STRBP: variants seen among roughly 807,000 people sequenced by gnomAD.
STRBP encodes spermatid perinuclear RNA binding protein.
STRBP carries 13 observed loss-of-function variants against 80.1 expected under a neutral mutation model. The observed-to-expected ratio is 0.16, with a 90% confidence interval of 0.11 to 0.26. STRBP has a LOEUF of 0.26. Ranked by LOEUF, STRBP falls within the 10% of genes least tolerant of loss-of-function variation. The probability of loss-of-function intolerance (pLI) is 1.00; values close to 1 mark genes in which losing one functional copy is unlikely to be tolerated. For synonymous variants in STRBP, 284 were observed against 291.2 expected (o/e 0.98, Z 0.25); for missense variants, 485 against 815.2 (o/e 0.59, Z 4.93).
chr9:123,217,174 G>A (rs1324971144), intron 2 of STRBP, among the ~76,000 whole-genome samples: 2 of 152,128 alleles, frequency 1.3e-5, no homozygotes, highest in Admixed American at 1.3e-4. Flanking sequence ...AATCAAAGCT[G>A]CCATAATGAA....
chr9:123,136,125 C>T lies in STRBP; in HGVS notation c.1689G>A (p.Lys563=). 6.2e-7 allele frequency: 1 copy of T among 1,614,226 alleles called. No homozygotes were observed. The highest frequency in any genetic ancestry group is 8.5e-7 in the Non-Finnish European group (1 of 1,180,034). ...RGAGPNKKVA[K]ASAALAALEK... Reference sequence around the variant, plus strand: ...CCAAGGCAGCTAAAGCTGCACTCGCCTTTGCCACTTTCTTATTTGGACCTG... The same window carrying T: ...CCAAGGCAGCTAAAGCTGCACTCGCTTTTGCCACTTTCTTATTTGGACCTG... The change falls in exon 16 of 19, where the codon AAG becomes AAA. Residue 563 remains lysine, a synonymous_variant. Transcript: ENST00000348403. This position sits in a 1 kb window ranked among gnomAD's most constrained non-coding sequence, Gnocchi z 4.2.
intron 3 of STRBP, among the ~76,000 whole-genome samples, chr9:123,183,033 A>AACC (rs1554757096): frequency 7.9e-5 from 11 of 139,838 alleles, no homozygotes; most frequent in South Asian, 2.2e-4. Flanking sequence ...AAAAAAAAAA[A>AACC]AAAAACAAAA....
chr9:123,201,246 T>C (rs1449168516), intron 2 of STRBP, among the ~76,000 whole-genome samples: 1 of 152,186 alleles, frequency 6.6e-6, no homozygotes, highest in East Asian at 1.9e-4. Context: ...CTGATCTTTG[T>C]TACTTCTTCT....
At chr9:123,182,541 A>C (rs947510448) in intron 3 of STRBP, among the ~76,000 whole-genome samples, 13 of 152,226 alleles carry the variant, frequency 8.5e-5, no homozygotes, top group Non-Finnish European at 1.6e-4. Context: ...GATATAAAAG[A>C]ATCAGTGTGG....
intron 1 of STRBP, among the ~76,000 whole-genome samples, chr9:123,238,829 A>G (rs1401307790): frequency 6.6e-6 from 1 of 152,222 alleles, no homozygotes; most frequent in African/African-American, 2.4e-5. Context: ...ACTTAAGTAT[A>G]TAATAAAAAC....
chr9:123,237,838 G>C (rs554536376), intron 1 of STRBP, among the ~76,000 whole-genome samples: 1 of 152,254 alleles, frequency 6.6e-6, no homozygotes, highest in South Asian at 2.1e-4. Flanking sequence ...TTCACACAAG[G>C]TAACACATAA....
chr9:123,130,264 G>A (rs559247855), intron 17 of STRBP, among the ~76,000 whole-genome samples: 1 of 152,246 alleles, frequency 6.6e-6, no homozygotes, highest in East Asian at 1.9e-4. Flanking sequence ...AACAGTCCCT[G>A]CTGCACAGAA....
chr9:123,139,920 G>T (rs1564227414), intron 13 of STRBP, among the ~76,000 whole-genome samples: 1 of 152,206 alleles, frequency 6.6e-6, no homozygotes, highest in African/African-American at 2.4e-5. Flanking sequence ...TTAAATACAG[G>T]ATGACAAATA....
Position 123,136,365 on chromosome 9 carries a change from G to C in STRBP, c.1632+16C>G. On this transcript the variant is annotated intron_variant, in intron 15 of 18. Coordinates refer to ENST00000348403, the MANE Select transcript of STRBP (RefSeq NM_018387.5). This position sits in a 1 kb window ranked among gnomAD's most constrained non-coding sequence, Gnocchi z 4.2. The stretch of plus-strand genomic sequence containing the variant: ...TTGAGAAGAAAGATAAGGCTGGCTT[G>C]TGTCTGGGTACACACCTCCATTACA... 1.9e-6 allele frequency: 3 copies of C among 1,613,254 alleles called. No homozygotes were observed. The South Asian group carries it at 3.3e-5, about 18-fold the overall frequency.
chr9:123,229,866 G>C (rs1332583124), intron 2 of STRBP, among the ~76,000 whole-genome samples: 1 of 152,156 alleles, frequency 6.6e-6, no homozygotes, highest in African/African-American at 2.4e-5. Context: ...GGAGCATTAA[G>C]GACCCATTTG....
At chr9:123,239,591 T>C (rs1367644245) in intron 1 of STRBP, among the ~76,000 whole-genome samples, 1 of 152,162 alleles carries the variant, frequency 6.6e-6, no homozygotes, top group Non-Finnish European at 1.5e-5. Flanking sequence ...TATGACTTAT[T>C]ACTGAAAGCA....
At chr9:123,120,020 C>A (rs2035704530), downstream of STRBP, among the ~76,000 whole-genome samples, 1 of 152,176 alleles carries the variant, frequency 6.6e-6, no homozygotes, top group Non-Finnish European at 1.5e-5. Flanking sequence ...TCTATTCTTA[C>A]AACCAACTCA....
At chr9:123,205,202 G>C (rs944877960) in intron 2 of STRBP, among the ~76,000 whole-genome samples, 1 of 152,154 alleles carries the variant, frequency 6.6e-6, no homozygotes, top group African/African-American at 2.4e-5. Flanking sequence ...GGAGGCAGAG[G>C]TTGCAGTGAG....
chr9:123,215,491 CA>C (rs935853746), intron 2 of STRBP, among the ~76,000 whole-genome samples: 2 of 152,102 alleles, frequency 1.3e-5, no homozygotes, highest in Non-Finnish European at 2.9e-5. Context: ...TTATTGTATA[CA>C]AATTATAAAA....
intron 1 of STRBP, among the ~76,000 whole-genome samples, chr9:123,267,261 C>T (rs2041289255): frequency 6.6e-6 from 1 of 151,686 alleles, no homozygotes; most frequent in South Asian, 2.1e-4. Flanking sequence ...TCTTGCTGAT[C>T]CCACCTTCTT....
At chr9:123,147,182 A>C in intron 12 of STRBP, 128 bp from the exon 13 acceptor site, 1 of 600,244 alleles carries the variant, frequency 1.7e-6, no homozygotes, top group Non-Finnish European at 2.9e-6. Flanking sequence ...CAAAACACAC[A>C]GATTAACCTC....
Position 123,124,200 on chromosome 9 carries a change from G to A in STRBP, c.*1397C>T, listed in dbSNP as rs2035814425. 1 of 985,272 alleles carries A rather than the reference G, an allele frequency of 1.0e-6. No homozygotes were observed. Among genetic ancestry groups the A allele is most frequent in the Non-Finnish European group, 1.2e-6 (1 of 829,932 alleles). The allele number at this position is 985,272 out of a possible 1,614,324, so 61.0% of individuals were successfully genotyped here. ...GATGGGCCCTGTCAAGTTCCCAAAA[G>A]CAGAACTGAATAGGGAAAATGAAAG... is the stretch of plus-strand genomic sequence containing the variant. On this transcript the variant is annotated 3_prime_UTR_variant, in exon 19 of 19. Coordinates refer to ENST00000348403, the MANE Select transcript of STRBP (RefSeq NM_018387.5).
intron 6 of STRBP, among the ~76,000 whole-genome samples, chr9:123,164,505 C>T (rs1426521088): frequency 6.6e-6 from 1 of 152,106 alleles, no homozygotes; most frequent in African/African-American, 2.4e-5. Flanking sequence ...CACACCATAC[C>T]ACAGGAAATG....
At chr9:123,155,556 C>A (rs933705538) in intron 11 of STRBP, among the ~76,000 whole-genome samples, 4 of 151,718 alleles carry the variant, frequency 2.6e-5, no homozygotes, top group Admixed American at 2.6e-4. Context: ...GAAGGGAGAA[C>A]ACGAGGAGGA....
Sources: gnomAD v4.1 joint callset for allele counts (sites outside exome capture counted in the v4.1 genomes callset) on GRCh38, gnomAD v4.1.1 for gene constraint, Gnocchi (gnomAD v3.1) non-coding constraint, MANE v1.5 for transcripts, NCBI Gene and HGNC (gene_info 2026-07-23, HGNC 2026-07-21) for gene names.